The following MTUS2 variants were observed in gnomAD, a reference collection of about 807,000 sequenced individuals.
MTUS2 encodes the protein microtubule-associated tumor suppressor candidate 2.
A neutral mutation model predicts 114.1 loss-of-function variants in MTUS2; 40 were observed. That is an observed-to-expected ratio of 0.35 (90% CI 0.27 to 0.46). The LOEUF is 0.46. MTUS2 is among the 20% of genes least tolerant of loss of function. The pLI is 1.00. For synonymous variants in MTUS2, 688 were observed against 672.0 expected, an observed-to-expected ratio of 1.02 and a Z score of -0.37; for missense variants, 1,679 against 1,705.4, an observed-to-expected ratio of 0.98 and a Z score of 0.27.
chr13:28,888,032 G>A (rs1037298516), intron 2 of MTUS2, among the ~76,000 whole-genome samples: 5 of 152,138 alleles, frequency 3.3e-5, no homozygotes, highest in African/African-American at 1.2e-4. Flanking sequence ...CATAGCTCTA[G>A]TACCACTCTT....
chr13:29,318,391 C>CTTTTTTTTTTTTTTTTT (rs71090240), intron 6 of MTUS2, among the ~76,000 whole-genome samples: 1 of 135,038 alleles, frequency 7.4e-6, no homozygotes, highest in Non-Finnish European at 1.5e-5. Context: ...ATTTCTTTTT[C>CTTTTTTTTTTTTTTTTT]TTTTTTTTTT....
chr13:28,967,944 A>G (rs1182379147), intron 2 of MTUS2, among the ~76,000 whole-genome samples: 1 of 152,198 alleles, frequency 6.6e-6, no homozygotes, highest in South Asian at 2.1e-4. Context: ...ACACCCTGTT[A>G]TTATTTCAAT....
intron 8 of MTUS2, among the ~76,000 whole-genome samples, chr13:29,387,946 C>A (rs570968993): frequency 6.6e-6 from 1 of 152,290 alleles, no homozygotes; most frequent in African/African-American, 2.4e-5. Context: ...AACTAGATAT[C>A]CAGCACATAT....
intron 4 of MTUS2, among the ~76,000 whole-genome samples, chr13:29,041,010 C>T (rs1315547064): frequency 2.6e-5 from 4 of 151,968 alleles, no homozygotes; most frequent in African/African-American, 4.8e-5. Flanking sequence ...CTTTTGGGTT[C>T]GTGGTCATAA....
chr13:29,209,805 A>T (rs1338831940), intron 5 of MTUS2, among the ~76,000 whole-genome samples: 1 of 152,180 alleles, frequency 6.6e-6, no homozygotes, highest in Non-Finnish European at 1.5e-5. Context: ...TGTGCTGTTA[A>T]TCTGATAGGT....
chr13:29,034,021 C>T lies in MTUS2; in HGVS notation c.2342C>T (p.Ala781Val). The T allele has an allele frequency of 6.2e-7, 1 of 1,614,016 alleles. No homozygotes were observed. Among genetic ancestry groups the T allele is most frequent in the Non-Finnish European group, 8.5e-7 (1 of 1,179,902 alleles). The change falls in exon 4 of 16, where the codon GCA becomes GTA. Residue 781 changes from alanine (A) to valine (V), a missense_variant. Around this residue, in one of 3 missense-constraint regions of MTUS2, gnomAD observed 822 missense variants for 899.7 expected, o/e 0.91. Coordinates refer to ENST00000612955, the MANE Select transcript of MTUS2 (RefSeq NM_001033602.4). ...GLGAMSRLPS[A>V]KSRILIASQR... is the part of the protein sequence containing the mutation. ...GGTGCAATGTCCCGTTTACCATCTG[C>T]AAAGAGCAGGATTCTGATTGCAAGT...
chr13:29,103,763 T>G (rs1890533642), intron 5 of MTUS2, among the ~76,000 whole-genome samples: 1 of 152,246 alleles, frequency 6.6e-6, no homozygotes, highest in African/African-American at 2.4e-5. Flanking sequence ...CTGTCCTATA[T>G]GTGTTCTGTT....
chr13:29,161,812 G>A (rs1334714516), intron 5 of MTUS2, among the ~76,000 whole-genome samples: 2 of 152,220 alleles, frequency 1.3e-5, no homozygotes, highest in African/African-American at 2.4e-5. Flanking sequence ...CCCTCTTGCT[G>A]TGTTTTCTGT....
At chr13:29,290,956 C>A (rs1447413878) in intron 6 of MTUS2, among the ~76,000 whole-genome samples, 1 of 152,156 alleles carries the variant, frequency 6.6e-6, no homozygotes, top group Non-Finnish European at 1.5e-5. Context: ...AGAGCACTTG[C>A]CACAATGAGT....
intron 5 of MTUS2, among the ~76,000 whole-genome samples, chr13:29,211,655 G>T (rs1198411640): frequency 6.6e-6 from 1 of 152,038 alleles, no homozygotes; most frequent in Non-Finnish European, 1.5e-5. Flanking sequence ...CCTATATTTT[G>T]CTCAGCTCTC....
intron 2 of MTUS2, among the ~76,000 whole-genome samples, chr13:28,981,855 C>T (rs953024208): frequency 2.6e-5 from 4 of 152,140 alleles, no homozygotes; most frequent in East Asian, 1.9e-4. Context: ...AGGATGAGTG[C>T]GGCCCACCAT....
rs751020009 is a variant in MTUS2, at chr13:29,071,409, A to ATTTTTTTTTTTTTTTT, written c.2447-29345_2447-29330dup. ...TTTAAAAGATCTCTATGTTGCTTGA[A>ATTTTTTTTTTTTTTTT]TTTTTTTTTTTTTTTTTTTTTTTTT... On this transcript the variant is annotated intron_variant, in intron 4 of 15. Transcript: ENST00000612955. 5.6e-4 allele frequency among the ~76,000 whole-genome samples: 26 copies of ATTTTTTTTTTTTTTTT among 46,142 alleles called. 6 individuals carry two copies. Among genetic ancestry groups the ATTTTTTTTTTTTTTTT allele is most frequent in the East Asian group, 2.7e-3 (3 of 1,106 alleles). The allele number at this position is 46,142 out of a possible 152,430, so 30.3% of individuals were successfully genotyped here.
At chr13:29,428,896 G>A (rs1876779180) in intron 8 of MTUS2, 1 of 1,613,822 alleles carries the variant, frequency 6.2e-7, no homozygotes, top group African/African-American at 1.3e-5. Flanking sequence ...TGGACAAGAC[G>A]GTACTTTGCC....
At chr13:28,843,431 G>A (rs759488846) in intron 2 of MTUS2, among the ~76,000 whole-genome samples, 3 of 152,074 alleles carry the variant, frequency 2.0e-5, no homozygotes, top group Non-Finnish European at 4.4e-5. Flanking sequence ...GTTTTTTGAG[G>A]CAGGGTAAGG....
chr13:29,356,248 G>T (rs1258668968), intron 7 of MTUS2, among the ~76,000 whole-genome samples: 2 of 152,072 alleles, frequency 1.3e-5, no homozygotes, highest in African/African-American at 4.8e-5. Flanking sequence ...GTCAGGAGTG[G>T]GTCACCACCA....
intron 4 of MTUS2, among the ~76,000 whole-genome samples, chr13:29,076,206 G>T (rs1324009254): frequency 6.6e-6 from 1 of 152,058 alleles, no homozygotes; most frequent in East Asian, 1.9e-4. Flanking sequence ...AGCTCCTTAG[G>T]CTTTCAGTAA....
intron 8 of MTUS2, among the ~76,000 whole-genome samples, chr13:29,390,465 C>T (rs574828884): frequency 6.6e-6 from 1 of 151,636 alleles, no homozygotes; most frequent in South Asian, 2.1e-4. Flanking sequence ...ACCAGCCTGG[C>T]CAACATGGTA....
intron 2 of MTUS2, among the ~76,000 whole-genome samples, chr13:28,914,586 T>A (rs929309425): frequency 2.3e-4 from 35 of 152,152 alleles, no homozygotes; most frequent in African/African-American, 8.4e-4. Flanking sequence ...GAGAGTTTTG[T>A]AGATATTTAT....
chr13:29,409,503 C>T (rs1021990610), intron 8 of MTUS2, among the ~76,000 whole-genome samples: 2 of 152,072 alleles, frequency 1.3e-5, no homozygotes, highest in Non-Finnish European at 2.9e-5. Flanking sequence ...ATTGTATTCC[C>T]TTTTGGATTC....
Sources: allele counts gnomAD v4.1 joint callset (sites outside exome capture counted in the v4.1 genomes callset), GRCh38; gene constraint gnomAD v4.1.1; regional missense constraint gnomAD v4.1.1; transcripts MANE v1.5; gene names NCBI Gene and HGNC (gene_info 2026-07-23, HGNC 2026-07-21).